The following GRIN2A variants were observed in gnomAD, a reference collection of about 807,000 sequenced individuals.
GRIN2A encodes the protein glutamate receptor ionotropic, NMDA 2A.
Under a neutral mutation model 113.4 loss-of-function variants are expected in GRIN2A, and 22 were observed. That is an observed-to-expected ratio of 0.19 (90% confidence interval 0.14 to 0.28). The LOEUF is 0.28. Among genes scored for constraint, GRIN2A ranks in the 10% least tolerant of loss-of-function variants. The probability of loss-of-function intolerance (pLI) is 1.00; values close to 1 mark genes in which losing one functional copy is unlikely to be tolerated. For missense variants in GRIN2A, 1,502 were observed against 1,887.0 expected (o/e 0.80, Z 3.78); for synonymous variants, 827 against 738.4 (o/e 1.12, Z -1.94).
intron 2 of GRIN2A, among the ~76,000 whole-genome samples, chr16:10,117,823 A>G (rs1020678913): frequency 6.6e-6 from 1 of 152,262 alleles, no homozygotes; most frequent in Admixed American, 6.5e-5. Flanking sequence ...TAATGACAAT[A>G]GAAATATAGT....
Position 9,855,508 on chromosome 16 carries a change from C to T in GRIN2A, c.1123-5547G>A, listed in dbSNP as rs868225623. Among the ~76,000 whole-genome samples the T allele has an allele frequency of 3.9e-5, 6 of 152,278 alleles. No homozygotes were observed. The Middle Eastern group carries it at 0.017, about 432-fold the overall frequency. On this transcript the variant is annotated intron_variant, in intron 4 of 12. Coordinates refer to ENST00000330684, the MANE Select transcript of GRIN2A (RefSeq NM_001134407.3). Reference sequence around the variant, plus strand: ...ATGGCATTCCCTTGACTTTTGACCTCACTGATTGGGTGTCATTCTCCTCAC... The same window carrying T: ...ATGGCATTCCCTTGACTTTTGACCTTACTGATTGGGTGTCATTCTCCTCAC...
chr16:10,094,727 G>A (rs2048252909), intron 2 of GRIN2A, among the ~76,000 whole-genome samples: 1 of 152,118 alleles, frequency 6.6e-6, no homozygotes, highest in Non-Finnish European at 1.5e-5. Flanking sequence ...TGGGATTATA[G>A]GCATGAGCCA....
chr16:9,989,966 T>C (rs1330178188), intron 2 of GRIN2A, among the ~76,000 whole-genome samples: 1 of 152,210 alleles, frequency 6.6e-6, no homozygotes, highest in Non-Finnish European at 1.5e-5. Context: ...CAGTGGAAAG[T>C]AGTTTGGAGA....
intron 9 of GRIN2A, among the ~76,000 whole-genome samples, chr16:9,828,408 G>T (rs1483687427): frequency 6.6e-6 from 1 of 152,148 alleles, no homozygotes; most frequent in Non-Finnish European, 1.5e-5. Context: ...TGTGTATCAT[G>T]GATAAGCTGT....
chr16:9,776,961 A>T (rs58160310), intron 11 of GRIN2A, among the ~76,000 whole-genome samples: 2,694 of 152,286 alleles, frequency 0.018, 62 homozygotes, highest in African/African-American at 0.061. Context: ...ATTGGGGCCA[A>T]ATCCTCTCCT....
chr16:10,107,151 G>A lies in GRIN2A; in HGVS notation c.414+72847C>T, dbSNP rs114946685. ...TGAAGGAATGTTGAACCAAGCACAT[G>A]TACTTCAATCCTAACCATACACAGG... is the stretch of plus-strand genomic sequence containing the variant. On this transcript the variant is annotated intron_variant, in intron 2 of 12. Coordinates refer to ENST00000330684, the MANE Select transcript of GRIN2A (RefSeq NM_001134407.3). Among the ~76,000 whole-genome samples the A allele has an allele frequency of 8.9e-3, 1,354 of 152,300 alleles. 20 individuals carry two copies. The highest frequency in any genetic ancestry group is 0.031 in the African/African-American group (1,291 of 41,560).
intron 2 of GRIN2A, among the ~76,000 whole-genome samples, chr16:9,955,808 G>C (rs557692020): frequency 1.1e-4 from 16 of 152,272 alleles, no homozygotes; most frequent in African/African-American, 3.8e-4. Flanking sequence ...AGGCGAATGA[G>C]CTCCCTGTGT....
intron 2 of GRIN2A, among the ~76,000 whole-genome samples, chr16:9,984,831 G>C (rs981300467): frequency 6.6e-6 from 1 of 152,120 alleles, no homozygotes; most frequent in Admixed American, 6.6e-5. Context: ...TTATCCATTA[G>C]TTTTTGGTTT....
intron 2 of GRIN2A, among the ~76,000 whole-genome samples, chr16:10,047,623 C>A (rs2047283489): frequency 6.6e-6 from 1 of 152,180 alleles, no homozygotes; most frequent in Non-Finnish European, 1.5e-5. Flanking sequence ...TTCTGCAAAG[C>A]CACCCTGAAT....
chr16:9,905,340 G>C (rs917200746), intron 3 of GRIN2A, among the ~76,000 whole-genome samples: 7 of 152,108 alleles, frequency 4.6e-5, no homozygotes, highest in African/African-American at 1.7e-4. Context: ...ATTTCTACTT[G>C]CTTTTTTCAG....
intron 2 of GRIN2A, among the ~76,000 whole-genome samples, chr16:10,020,372 C>A (rs2046697217): frequency 6.6e-6 from 1 of 152,140 alleles, no homozygotes; most frequent in African/African-American, 2.4e-5. Flanking sequence ...ATTCTCATAC[C>A]TAACCTACAT....
intron 2 of GRIN2A, among the ~76,000 whole-genome samples, chr16:10,139,781 T>C (rs561866754): frequency 6.2e-4 from 94 of 152,342 alleles, no homozygotes; most frequent in Admixed American, 1.0e-3. Context: ...ATTTGGTCTG[T>C]ATCAGGTGCA....
chr16:9,881,006 T>C (rs968179621), intron 4 of GRIN2A, among the ~76,000 whole-genome samples: 2 of 152,230 alleles, frequency 1.3e-5, no homozygotes, highest in African/African-American at 4.8e-5. Context: ...AGATATGACT[T>C]GCACATAGTG....
chr16:10,025,628 G>T lies in GRIN2A; in HGVS notation c.415-87077C>A, dbSNP rs1173059328. On this transcript the variant is annotated intron_variant, in intron 2 of 12. Coordinates refer to ENST00000330684, the MANE Select transcript of GRIN2A (RefSeq NM_001134407.3). Reference sequence around the variant, plus strand: ...AGCAGAACCTTTGAGATATATTTAAGCAAGGAGGCTGGAATACCACCTCAT... The same window carrying T: ...AGCAGAACCTTTGAGATATATTTAATCAAGGAGGCTGGAATACCACCTCAT... 5.9e-5 allele frequency among the ~76,000 whole-genome samples: 9 copies of T among 152,194 alleles called. No homozygotes were observed. In the East Asian group the frequency reaches 1.7e-3, roughly 29 times the overall value.
In GRIN2A at chr16:10,179,027, C is replaced by T. The variant is rs560681961; in HGVS notation, c.414+971G>A. 1.1e-4 allele frequency among the ~76,000 whole-genome samples: 16 copies of T among 152,308 alleles called. No individual in the cohort carries two copies. In the East Asian group the frequency reaches 3.1e-3, roughly 29 times the overall value. The stretch of plus-strand genomic sequence containing the variant: ...TTTCTCATTCCTCACTTTACTTCTT[C>T]ATTCCAGCCTTCTTCCTTCCCTCCA... On this transcript the variant is annotated intron_variant, in intron 2 of 12. Transcript: ENST00000330684.
At chr16:10,133,966 T>C (rs560111492) in intron 2 of GRIN2A, among the ~76,000 whole-genome samples, 1 of 152,120 alleles carries the variant, frequency 6.6e-6, no homozygotes, top group Non-Finnish European at 1.5e-5. Context: ...TTGGAATGCT[T>C]GAGCCCAGAC....
At chr16:9,900,225 C>T (rs948557840) in intron 3 of GRIN2A, among the ~76,000 whole-genome samples, 1 of 152,104 alleles carries the variant, frequency 6.6e-6, no homozygotes. Flanking sequence ...TTCCAGTCCC[C>T]GAAGGGAGGC....
intron 11 of GRIN2A, among the ~76,000 whole-genome samples, chr16:9,797,149 A>G (rs1353949393): frequency 6.6e-6 from 1 of 152,194 alleles, no homozygotes; most frequent in Non-Finnish European, 1.5e-5. Flanking sequence ...CTGTAGTGGT[A>G]ACTAGATTTT....
At chr16:9,832,147 G>C (rs1201951106) in intron 8 of GRIN2A, among the ~76,000 whole-genome samples, 1 of 149,056 alleles carries the variant, frequency 6.7e-6, no homozygotes, top group Non-Finnish European at 1.5e-5. Context: ...GTAGAGATGA[G>C]GTCTTGCTAT....
Sources: allele counts gnomAD v4.1 joint callset (sites outside exome capture counted in the v4.1 genomes callset), GRCh38; gene constraint gnomAD v4.1.1; transcripts MANE v1.5; gene names NCBI Gene and HGNC (gene_info 2026-07-23, HGNC 2026-07-21).